Variants in KDM4B observed in about 807,000 individuals in gnomAD.
KDM4B encodes lysine-specific demethylase 4B.
In KDM4B, 32 loss-of-function variants were observed where a neutral mutation model predicts 125.2. The ratio of observed to expected loss-of-function variants is 0.26; its 90% CI spans 0.19 to 0.34. The LOEUF is 0.34. Ranked by LOEUF, KDM4B falls within the 10% of genes least tolerant of loss-of-function variation. The probability of loss-of-function intolerance (pLI) is 1.00; values close to 1 mark genes in which losing one functional copy is unlikely to be tolerated. For synonymous variants in KDM4B, 721 were observed against 677.9 expected (o/e 1.06, Z -0.99); for missense variants, 1,190 against 1,577.7 (o/e 0.75, Z 4.16).
In KDM4B at chr19:5,019,742, GGTGTTGGTGTGC is replaced by G. The variant is rs796138883; in HGVS notation, c.-26+3404_-26+3415del. On this transcript the variant is annotated intron_variant, in intron 2 of 22. Transcript: ENST00000159111. ...GTGTGCAGGTGTGGGTGTTGGTGTG[GGTGTTGGTGTGC>G]AGGTATTGGTGTGGACAGTGGTGTG... is the stretch of plus-strand genomic sequence containing the variant. 5.1e-3 allele frequency among the ~76,000 whole-genome samples: 753 copies of G among 148,264 alleles called. 7 individuals carry two copies. Among genetic ancestry groups the G allele is most frequent in the African/African-American group, 0.018 (708 of 39,922 alleles).
chr19:4,983,796 G>A (rs2034733344), intron 1 of KDM4B, among the ~76,000 whole-genome samples: 2 of 152,200 alleles, frequency 1.3e-5, no homozygotes, highest in Non-Finnish European at 1.5e-5. Flanking sequence ...TGAGCTATCA[G>A]GGCAGGATTG....
At chr19:5,071,327 C>T (rs896207047) in intron 7 of KDM4B, among the ~76,000 whole-genome samples, 2 of 152,248 alleles carry the variant, frequency 1.3e-5, no homozygotes, top group African/African-American at 4.8e-5. Flanking sequence ...TTTCTTAGCG[C>T]AAACTTCTTG....
rs1050753559 is a variant in KDM4B, at chr19:5,114,647, G to A, written c.1115+3829G>A. On this transcript the variant is annotated intron_variant, in intron 10 of 22. Coordinates refer to ENST00000159111, the MANE Select transcript of KDM4B (RefSeq NM_015015.3). This position sits in a 1 kb window ranked among gnomAD's most constrained non-coding sequence, Gnocchi z 5.8. ...CTCAGCACAGGGTCTAGTCTTGGGG[G>A]TGGGGAGCACTGGGCCACTTTGGGT... Among the ~76,000 whole-genome samples the A allele has an allele frequency of 2.0e-5, 3 of 152,088 alleles. No individual in the cohort carries two copies. The highest frequency in any genetic ancestry group is 7.2e-5 in the African/African-American group (3 of 41,396).
At chr19:4,990,294 C>A (rs73538574) in intron 1 of KDM4B, among the ~76,000 whole-genome samples, 5,143 of 152,200 alleles carry the variant, frequency 0.034, 256 homozygotes, top group African/African-American at 0.1. Context: ...TGTCCCCGCC[C>A]CACAAAAAGA....
chr19:5,095,990 T>C (rs1420280116), intron 9 of KDM4B, among the ~76,000 whole-genome samples: 1 of 152,192 alleles, frequency 6.6e-6, no homozygotes, highest in East Asian at 1.9e-4. Context: ...AAAAGTCAGC[T>C]TCACAGGGAG....
rs1048172874 is a variant in KDM4B, at chr19:5,134,427, T to G, written c.2085+366T>G. 2.2e-4 allele frequency among the ~76,000 whole-genome samples: 33 copies of G among 152,194 alleles called. 1 individual carries two copies. Among genetic ancestry groups the G allele is most frequent in the African/African-American group, 7.7e-4 (32 of 41,506 alleles). On this transcript the variant is annotated intron_variant, in intron 14 of 22. Transcript: ENST00000159111. ...CACCACCTGGGTGGCCGGGCGGGGC[T>G]CCCGCAAACCCTGGCCTGTCTAGCT...
At chr19:5,075,776 T>C (rs2613772) in intron 7 of KDM4B, 101,965 of 152,434 alleles carry the variant, frequency 0.67, 34,389 homozygotes, top group East Asian at 0.94. Context: ...TTGTGAGCTC[T>C]GACCACAGCT....
rs1465480432 is a variant in KDM4B, at chr19:5,110,738, G to A, written c.1035G>A (p.Thr345=). ...AGGACCTCACGGTGCTGGACCACAC[G>A]CGGCCCACGGCGCTCACCAGCCCCG... ...QGKDLTVLDH[T]RPTALTSPEL... The change falls in exon 10 of 23, where the codon ACG becomes ACA. Residue 345 remains threonine, a synonymous_variant. Transcript: ENST00000159111. 1.9e-6 allele frequency: 3 copies of A among 1,611,882 alleles called. No individual in the cohort carries two copies. The highest frequency in any genetic ancestry group is 1.7e-6 in the Non-Finnish European group (2 of 1,179,454).
intron 1 of KDM4B, among the ~76,000 whole-genome samples, chr19:4,998,744 T>G (rs1385873311): frequency 6.6e-6 from 1 of 152,208 alleles, no homozygotes; most frequent in Non-Finnish European, 1.5e-5. Context: ...GGGCTGCTCC[T>G]GAGTCTGTCT....
rs1178813182 is a variant in KDM4B at position 5,082,498 on chromosome 19, C to T, written c.912C>T (p.Ala304=). The T allele has an allele frequency of 1.9e-6, 3 of 1,599,942 alleles. No individual in the cohort carries two copies. Among genetic ancestry groups the T allele is most frequent in the East Asian group, 2.2e-5 (1 of 44,678 alleles). Residue 304 remains alanine, a synonymous_variant, in exon 9 of 23, where the codon GCC becomes GCT. Coordinates refer to ENST00000159111, the MANE Select transcript of KDM4B (RefSeq NM_015015.3). This position sits in a 1 kb window ranked among gnomAD's most constrained non-coding sequence, Gnocchi z 5.4. ...TLRWIDYGKV[A]TQCTCRKDMV... is the part of the protein sequence containing the mutation. ...GGTGGATTGACTACGGCAAAGTGGC[C>T]ACTCAGGTAAAAGCTTGCCTGCTGG...
intron 1 of KDM4B, among the ~76,000 whole-genome samples, chr19:4,975,987 C>T (rs558126515): frequency 1.3e-5 from 2 of 151,566 alleles, no homozygotes; most frequent in South Asian, 2.1e-4. Flanking sequence ...CGGTGGCTCA[C>T]GCCTGTAATC....
intron 14 of KDM4B, among the ~76,000 whole-genome samples, chr19:5,135,097 G>A (rs1017708788): frequency 6.6e-6 from 1 of 152,228 alleles, no homozygotes; most frequent in Admixed American, 6.5e-5. Context: ...TCTGTGTCTG[G>A]ATGCAACCCT....
intron 6 of KDM4B, among the ~76,000 whole-genome samples, chr19:5,066,486 GT>G (rs34455969): frequency 0.014 from 2,060 of 152,286 alleles, 44 homozygotes; most frequent in African/African-American, 0.046. Flanking sequence ...CCATCATTTT[GT>G]TTGTTAACCA....
At chr19:5,058,024 G>A (rs1380556918) in intron 6 of KDM4B, among the ~76,000 whole-genome samples, 1 of 152,212 alleles carries the variant, frequency 6.6e-6, no homozygotes, top group African/African-American at 2.4e-5. Context: ...CTGAGGGCAG[G>A]GCCCACCACT....
chr19:5,032,901 A>T lies in KDM4B; in HGVS notation c.11A>T (p.Glu4Val), dbSNP rs760612591. MGS[E>V]DHGAQNPSCK... ...CGCACAGCTGCAGCCATGGGGTCTG[A>T]GGACCACGGCGCCCAGAACCCCAGC... Residue 4 changes from glutamate (E) to valine (V), a missense_variant, in exon 3 of 23, where the codon GAG becomes GTG. By Grantham distance (121) the Glu-to-Val change is moderately radical (BLOSUM62 -2). Transcript: ENST00000159111. 6.2e-7 allele frequency: 1 copy of T among 1,614,104 alleles called. No individual in the cohort carries two copies. Among genetic ancestry groups the T allele is most frequent in the South Asian group, 1.1e-5 (1 of 91,082 alleles).
chr19:5,122,941 A>G (rs2039387446), intron 11 of KDM4B, among the ~76,000 whole-genome samples: 1 of 152,226 alleles, frequency 6.6e-6, no homozygotes, highest in African/African-American at 2.4e-5. Context: ...TTGGAGATGG[A>G]CCTGGCCTTA....
At chr19:5,090,246 T>C (rs977717182) in intron 9 of KDM4B, among the ~76,000 whole-genome samples, 9 of 151,950 alleles carry the variant, frequency 5.9e-5, no homozygotes, top group Non-Finnish European at 2.9e-5. Context: ...GCCACACACC[T>C]CGCTGCATGC....
intron 1 of KDM4B, among the ~76,000 whole-genome samples, chr19:5,015,921 G>A (rs767885453): frequency 6.6e-6 from 1 of 152,160 alleles, no homozygotes; most frequent in Non-Finnish European, 1.5e-5. Flanking sequence ...TCCCCTTGGA[G>A]GAAGCAAAAC....
chr19:5,025,464 T>C (rs1243983231), intron 2 of KDM4B, among the ~76,000 whole-genome samples: 3 of 152,250 alleles, frequency 2.0e-5, no homozygotes, highest in Non-Finnish European at 4.4e-5. Flanking sequence ...GGGGGTTGCA[T>C]GCCCTGGAAG....
Sources: gnomAD v4.1 joint callset for allele counts (sites outside exome capture counted in the v4.1 genomes callset) on GRCh38, gnomAD v4.1.1 for gene constraint, Gnocchi (gnomAD v3.1) non-coding constraint, MANE v1.5 for transcripts, NCBI Gene and HGNC (gene_info 2026-07-23, HGNC 2026-07-21) for gene names.